The following CD9 variants were observed in gnomAD, a reference collection of about 807,000 sequenced individuals.
CD9 encodes the protein CD9 antigen.
In CD9, 10 loss-of-function variants were observed where a neutral mutation model predicts 31.4. The observed-to-expected ratio is 0.32, with a 90% CI of 0.20 to 0.54. CD9 has a LOEUF of 0.54. Among genes scored for constraint, CD9 ranks in the 20% least tolerant of loss-of-function variants. The pLI is 0.94. For missense variants in CD9, 259 were observed against 300.1 expected (o/e 0.86, Z 1.01); for synonymous variants, 113 against 114.1 (o/e 0.99, Z 0.06).
At chr12:6,230,873 G>A (rs558231798) in intron 2 of CD9, among the ~76,000 whole-genome samples, 13 of 152,352 alleles carry the variant, frequency 8.5e-5, no homozygotes, top group African/African-American at 3.1e-4. Flanking sequence ...GTAACCCCAC[G>A]TGACTTGACC....
intron 1 of CD9, among the ~76,000 whole-genome samples, chr12:6,222,852 A>G (rs139546556): frequency 6.6e-6 from 1 of 152,318 alleles, no homozygotes; most frequent in East Asian, 1.9e-4. Flanking sequence ...GCTTTACCTC[A>G]TCTTACAGCT....
intron 2 of CD9, among the ~76,000 whole-genome samples, chr12:6,228,558 C>CAAAA (rs5796224): frequency 5.9e-5 from 4 of 68,336 alleles, no homozygotes; most frequent in Non-Finnish European, 8.3e-5. Context: ...GACTCCATCT[C>CAAAA]AAAAAAAAAA....
chr12:6,217,219 A>G (rs1946252116), intron 1 of CD9, among the ~76,000 whole-genome samples: 1 of 152,118 alleles, frequency 6.6e-6, no homozygotes, highest in Admixed American at 6.5e-5. Flanking sequence ...AGGCAGGTGC[A>G]TGTTTAGAAA....
intron 2 of CD9, among the ~76,000 whole-genome samples, chr12:6,230,968 G>A (rs866436218): frequency 5.3e-5 from 8 of 152,310 alleles, no homozygotes; most frequent in Middle Eastern, 6.8e-3. Flanking sequence ...CCTCAGCTGC[G>A]GGCAGACTGC....
At chr12:6,218,500 C>T (rs555983108) in intron 1 of CD9, among the ~76,000 whole-genome samples, 1 of 152,280 alleles carries the variant, frequency 6.6e-6, no homozygotes, top group African/African-American at 2.4e-5. Context: ...CAAGAATTTC[C>T]ATCAGGAGGC....
chr12:6,214,408 G>A (rs1040917161), intron 1 of CD9, among the ~76,000 whole-genome samples: 1 of 136,922 alleles, frequency 7.3e-6, no homozygotes, highest in African/African-American at 2.8e-5. Flanking sequence ...GTGCAGTGGC[G>A]CAGTGTCAAC....
chr12:6,211,029 G>T (rs1393531281), intron 1 of CD9, among the ~76,000 whole-genome samples: 1 of 151,790 alleles, frequency 6.6e-6, no homozygotes, highest in Non-Finnish European at 1.5e-5. Context: ...GTAGAGATGG[G>T]GTTTCACCAT....
intron 1 of CD9, among the ~76,000 whole-genome samples, chr12:6,220,151 C>T (rs1377018135): frequency 3.9e-5 from 6 of 152,108 alleles, no homozygotes; most frequent in African/African-American, 1.2e-4. Context: ...TTGGCTTGCT[C>T]AGGGGTTGCA....
Position 6,212,958 on chromosome 12 carries a change from G to A in CD9, c.66+12393G>A, listed in dbSNP as rs150528134. Among the ~76,000 whole-genome samples, 11 of 152,220 alleles carry A rather than the reference G, an allele frequency of 7.2e-5. No homozygotes were observed. The East Asian group carries it at 1.4e-3, about 19-fold the overall frequency. The stretch of plus-strand genomic sequence containing the variant: ...GGGTTGGGGGGAGTGGGCCAGGAGC[G>A]GGCAAGGAGTTGTCTTGATAGAAAC... On this transcript the variant is annotated intron_variant, in intron 1 of 7. Transcript: ENST00000009180.
At chr12:6,227,478 G>A (rs369561370) in intron 2 of CD9, among the ~76,000 whole-genome samples, 9 of 152,178 alleles carry the variant, frequency 5.9e-5, no homozygotes, top group East Asian at 1.9e-4. Flanking sequence ...GATGACAGGC[G>A]TGAGCCACCT....
chr12:6,227,471 G>A (rs1298943765), intron 2 of CD9, among the ~76,000 whole-genome samples: 9 of 152,126 alleles, frequency 5.9e-5, no homozygotes, highest in Non-Finnish European at 1.3e-4. Flanking sequence ...GTGATGGGAT[G>A]ACAGGCGTGA....
intron 7 of CD9, 137 bp downstream of exon 7, chr12:6,236,412 C>A: frequency 1.4e-6 from 1 of 727,270 alleles, no homozygotes. Context: ...TTCCATTTTA[C>A]CACTAGGGAA....
intron 2 of CD9, among the ~76,000 whole-genome samples, chr12:6,228,518 G>C (rs1946397981): frequency 6.9e-6 from 1 of 144,000 alleles, no homozygotes; most frequent in East Asian, 2.1e-4. Context: ...CACCACTGAG[G>C]CTCTGTCTCC....
intron 2 of CD9, among the ~76,000 whole-genome samples, chr12:6,231,222 T>C (rs2268009): frequency 0.43 from 66,023 of 152,090 alleles, 14,822 homozygotes; most frequent in Middle Eastern, 0.54. Flanking sequence ...TTATTAATGA[T>C]TGTTACTCAT....
Position 6,200,412 on chromosome 12 carries a change from C to A in CD9, c.-88C>A. The A allele has an allele frequency of 1.2e-6, 1 of 845,250 alleles. No individual in the cohort carries two copies. The highest frequency in any genetic ancestry group is 2.0e-6 in the Non-Finnish European group (1 of 488,300). 52.4% of individuals were successfully genotyped at this position (845,250 alleles called of 1,614,324 possible). On this transcript the variant is annotated 5_prime_UTR_variant, in exon 1 of 8. It adds an upstream start codon to the 5' untranslated region. Coordinates refer to ENST00000009180, the MANE Select transcript of CD9 (RefSeq NM_001769.4). ...GAGACCAGCCTACAGCCGCCTGCAT[C>A]TGTATCCAGCGCCAGGTCCCGCCAG...
intron 2 of CD9, chr12:6,226,281 G>C (rs1024821096): frequency 1.3e-5 from 2 of 152,176 alleles, no homozygotes; most frequent in African/African-American, 2.4e-5. Flanking sequence ...CAGAGGAGGG[G>C]GAGCCTGGTG....
rs150049311 is a variant in CD9 at position 6,238,056 on chromosome 12, A to G, written c.*228A>G. ...CGGGGGGTTTGGTTTGCTTTGGTTT[A>G]TATTTTTTCAGTTGTTTGTTTTTGC... On this transcript the variant is annotated 3_prime_UTR_variant, in exon 8 of 8. Coordinates refer to ENST00000009180, the MANE Select transcript of CD9 (RefSeq NM_001769.4). The G allele has an allele frequency of 1.0e-3, 427 of 424,334 alleles. 4 individuals are homozygous for G. Among genetic ancestry groups the G allele is most frequent in the African/African-American group, 7.6e-3 (373 of 49,034 alleles). 26.3% of individuals were successfully genotyped at this position (424,334 alleles called of 1,614,324 possible).
intron 1 of CD9, among the ~76,000 whole-genome samples, chr12:6,220,264 G>A (rs1253895810): frequency 6.6e-6 from 1 of 152,226 alleles, no homozygotes; most frequent in Non-Finnish European, 1.5e-5. Context: ...TACTAGCAGA[G>A]GCACAATGCA....
At chr12:6,235,632 A>G in intron 6 of CD9, 67 bp downstream of exon 6, 1 of 1,519,404 alleles carries the variant, frequency 6.6e-7, no homozygotes, top group Non-Finnish European at 8.9e-7. Flanking sequence ...CAAGCATGAA[A>G]GTGACAGCAG....
Sources: gnomAD v4.1 joint callset for allele counts (sites outside exome capture counted in the v4.1 genomes callset) on GRCh38, gnomAD v4.1.1 for gene constraint, MANE v1.5 for transcripts, NCBI Gene and HGNC (gene_info 2026-07-23, HGNC 2026-07-21) for gene names.